The following DCC variants were observed in gnomAD, a reference collection of about 807,000 sequenced individuals.
The protein encoded by DCC is DCC netrin 1 receptor.
A neutral mutation model predicts 172.5 loss-of-function variants in DCC; 58 were observed. That is an observed-to-expected ratio of 0.34 (90% CI 0.27 to 0.42). DCC has a LOEUF of 0.42. Ranked by LOEUF, DCC falls within the 10% of genes least tolerant of loss-of-function variation. The pLI is 1.00. For synonymous variants in DCC, 709 were observed against 644.5 expected (o/e 1.10, Z -1.52); for missense variants, 1,740 against 1,791.0 (o/e 0.97, Z 0.51).
At chr18:52,572,210 G>T (rs1182379596) in intron 1 of DCC, among the ~76,000 whole-genome samples, 1 of 152,092 alleles carries the variant, frequency 6.6e-6, no homozygotes. Context: ...ATAAACAGAG[G>T]CACTAAAGCA....
At chr18:53,179,146 A>C in intron 9 of DCC, 30 bp downstream of exon 9, 1 of 1,606,248 alleles carries the variant, frequency 6.2e-7, no homozygotes, top group Non-Finnish European at 8.5e-7. Flanking sequence ...GGCCACATTT[A>C]AAAAGTATTT....
intron 12 of DCC, among the ~76,000 whole-genome samples, chr18:53,258,266 T>C (rs1019334118): frequency 1.3e-5 from 2 of 152,170 alleles, no homozygotes; most frequent in African/African-American, 4.8e-5. Flanking sequence ...TTTGAATGTG[T>C]TTGCTCTTGC....
intron 7 of DCC, among the ~76,000 whole-genome samples, chr18:53,139,583 A>G (rs2043800166): frequency 6.6e-6 from 1 of 152,080 alleles, no homozygotes; most frequent in African/African-American, 2.4e-5. Flanking sequence ...GCTATGAGTC[A>G]GGCATTCTGT....
At chr18:52,434,193 G>T (rs1286337877) in intron 1 of DCC, among the ~76,000 whole-genome samples, 2 of 152,102 alleles carry the variant, frequency 1.3e-5, no homozygotes, top group Non-Finnish European at 2.9e-5. Flanking sequence ...TAGTTAGCTG[G>T]CTATAATTAG....
intron 1 of DCC, among the ~76,000 whole-genome samples, chr18:52,360,350 A>G (rs959749130): frequency 1.3e-5 from 2 of 152,258 alleles, no homozygotes; most frequent in Non-Finnish European, 2.9e-5. Context: ...CATTCCAAAT[A>G]CAGCTTTAGA....
intron 1 of DCC, among the ~76,000 whole-genome samples, chr18:52,437,236 A>G (rs1001125760): frequency 2.6e-5 from 4 of 152,210 alleles, no homozygotes; most frequent in African/African-American, 9.6e-5. Flanking sequence ...AGGGCTCTGA[A>G]ACATCCAGCT....
intron 5 of DCC, among the ~76,000 whole-genome samples, chr18:52,980,146 T>C (rs2041185652): frequency 1.3e-5 from 2 of 152,282 alleles, no homozygotes; most frequent in East Asian, 1.9e-4. Flanking sequence ...CCAAAAGATA[T>C]GCATTCTTTA....
At chr18:52,542,630 G>A (rs200630356) in intron 1 of DCC, among the ~76,000 whole-genome samples, 3 of 152,128 alleles carry the variant, frequency 2.0e-5, no homozygotes, top group African/African-American at 7.2e-5. Context: ...GAGGTCAGGA[G>A]TTTGAAACCA....
intron 1 of DCC, among the ~76,000 whole-genome samples, chr18:52,414,964 G>T (rs374084446): frequency 2.0e-5 from 3 of 152,292 alleles, no homozygotes; most frequent in Middle Eastern, 3.4e-3. Context: ...TTCTAGCAGT[G>T]AATTACAAAT....
At chr18:53,101,925 C>T (rs933396266) in intron 7 of DCC, among the ~76,000 whole-genome samples, 1 of 151,986 alleles carries the variant, frequency 6.6e-6, no homozygotes, top group Non-Finnish European at 1.5e-5. Flanking sequence ...TTACCTGAGC[C>T]TGTAATTACT....
intron 6 of DCC, among the ~76,000 whole-genome samples, chr18:53,064,964 A>T (rs2042546003): frequency 6.6e-6 from 1 of 152,166 alleles, no homozygotes. Flanking sequence ...TTCTCCCAGC[A>T]TGACTCATTA....
chr18:52,449,963 G>T (rs550547402), intron 1 of DCC, among the ~76,000 whole-genome samples: 43 of 152,002 alleles, frequency 2.8e-4, no homozygotes, highest in Admixed American at 1.2e-3. Flanking sequence ...CCCAGTCTTG[G>T]GTATGTCTTT....
At chr18:53,291,027 G>A (rs1252926679) in intron 12 of DCC, among the ~76,000 whole-genome samples, 1 of 152,016 alleles carries the variant, frequency 6.6e-6, no homozygotes, top group Non-Finnish European at 1.5e-5. Flanking sequence ...AATTAGCCAG[G>A]TGTGGTGGCA....
intron 1 of DCC, among the ~76,000 whole-genome samples, chr18:52,668,756 A>C (rs1024071272): frequency 1.3e-5 from 2 of 152,206 alleles, no homozygotes; most frequent in South Asian, 4.1e-4. Context: ...CTGAAAGTTG[A>C]TGTTTCTGTA....
chr18:53,011,585 C>A (rs182940714), intron 5 of DCC, among the ~76,000 whole-genome samples: 18 of 151,766 alleles, frequency 1.2e-4, no homozygotes, highest in African/African-American at 4.1e-4. Context: ...GGAAGACTTA[C>A]AACATTGAGA....
chr18:52,352,991 T>G (rs1354565001), intron 1 of DCC, among the ~76,000 whole-genome samples: 2 of 152,046 alleles, frequency 1.3e-5, no homozygotes, highest in East Asian at 3.9e-4. Context: ...GATAGGGAGG[T>G]GATCCTTGCC....
intron 2 of DCC, among the ~76,000 whole-genome samples, chr18:52,879,775 G>A (rs1005675870): frequency 2.0e-5 from 3 of 152,032 alleles, no homozygotes; most frequent in African/African-American, 7.2e-5. Context: ...CTCAAGAGCA[G>A]CCATAGACAA....
intron 1 of DCC, among the ~76,000 whole-genome samples, chr18:52,585,221 A>ACAGT (rs1298659937): frequency 2.6e-5 from 4 of 152,240 alleles, no homozygotes; most frequent in Non-Finnish European, 5.9e-5. Context: ...CTTTGGGAAG[A>ACAGT]CAGTCGAATG....
intron 2 of DCC, among the ~76,000 whole-genome samples, chr18:52,837,718 G>A (rs1250984024): frequency 6.6e-6 from 1 of 152,080 alleles, no homozygotes; most frequent in South Asian, 2.1e-4. Context: ...CAGTTCTAAC[G>A]TTACTTCCAC....
Sources: allele counts gnomAD v4.1 joint callset (sites outside exome capture counted in the v4.1 genomes callset), GRCh38; gene constraint gnomAD v4.1.1; transcripts MANE v1.5; gene names NCBI Gene and HGNC (gene_info 2026-07-23, HGNC 2026-07-21).